Variants in RBFOX1 observed in about 807,000 individuals in gnomAD.
RBFOX1 encodes RNA binding fox-1 homolog 1, also known as RNA binding protein fox-1 homolog 1.
Under a neutral mutation model 57.7 loss-of-function variants are expected in RBFOX1, and 8 were observed. The ratio of observed to expected loss-of-function variants is 0.14; its 90% CI spans 0.08 to 0.25. RBFOX1 has a LOEUF of 0.25. Ranked by LOEUF, RBFOX1 falls within the 10% of genes least tolerant of loss-of-function variation. The pLI is 1.00. For missense variants in RBFOX1, 611 were observed against 548.5 expected (o/e 1.11, Z -1.14); for synonymous variants, 326 against 222.4 (o/e 1.47, Z -4.15).
chr16:7,621,007 C>G (rs114826904), intron 10 of RBFOX1, among the ~76,000 whole-genome samples: 3,140 of 152,050 alleles, frequency 0.021, 91 homozygotes, highest in African/African-American at 0.072. Flanking sequence ...ATCTGCATCC[C>G]CTGGAAGCCT....
intron 2 of RBFOX1, among the ~76,000 whole-genome samples, chr16:6,563,099 G>A (rs1022045119): frequency 6.6e-6 from 1 of 151,964 alleles, no homozygotes; most frequent in African/African-American, 2.4e-5. Context: ...TCCAAGTGCT[G>A]TTTCCCCAGG....
chr16:6,439,630 C>A (rs1427244489), intron 2 of RBFOX1, among the ~76,000 whole-genome samples: 4 of 152,132 alleles, frequency 2.6e-5, no homozygotes, highest in African/African-American at 7.2e-5. Context: ...TTCCCCGAAC[C>A]ACTATTCTCT....
intron 3 of RBFOX1, among the ~76,000 whole-genome samples, chr16:7,032,809 A>C (rs945446145): frequency 2.0e-5 from 3 of 152,146 alleles, no homozygotes; most frequent in African/African-American, 7.2e-5. Flanking sequence ...TGAACTAAAA[A>C]TGCGTTTGGT....
chr16:6,518,966 A>G (rs1404275246), intron 2 of RBFOX1, among the ~76,000 whole-genome samples: 1 of 151,898 alleles, frequency 6.6e-6, no homozygotes, highest in Non-Finnish European at 1.5e-5. Context: ...ACCACCACCT[A>G]GTGGGGCCAG....
intron 3 of RBFOX1, among the ~76,000 whole-genome samples, chr16:6,657,515 G>A (rs1312741891): frequency 6.6e-6 from 1 of 152,074 alleles, no homozygotes; most frequent in Non-Finnish European, 1.5e-5. Context: ...CAGCCAGAGT[G>A]ATTGCCGTCA....
chr16:6,651,991 A>T (rs2098600008), intron 2 of RBFOX1, among the ~76,000 whole-genome samples: 1 of 152,248 alleles, frequency 6.6e-6, no homozygotes, highest in African/African-American at 2.4e-5. Context: ...GTATGATTCC[A>T]CTTAAGCAAG....
rs1051292250 is a variant in RBFOX1 at position 5,756,415 on chromosome 16, G to T, written c.319-110888G>T. ...AAAGATGGATACCGTTTTTCTTCTT[G>T]CTTAGACCTGGTTTCTTCAGGGATC... On this transcript the variant is annotated intron_variant, in intron 3 of 19. Coordinates refer to the RBFOX1 transcript ENST00000641259. Among the ~76,000 whole-genome samples the T allele has an allele frequency of 1.1e-4, 17 of 152,118 alleles. 1 individual carries two copies. The East Asian group carries it at 2.9e-3, about 26-fold the overall frequency.
chr16:7,055,591 T>TC (rs1213900657), intron 4 of RBFOX1, among the ~76,000 whole-genome samples: 6 of 152,144 alleles, frequency 3.9e-5, no homozygotes, highest in Non-Finnish European at 7.3e-5. Context: ...GGAAAATAAT[T>TC]CCCAGAATTC....
chr16:6,077,919 C>G (rs1254612788), intron 1 of RBFOX1, among the ~76,000 whole-genome samples: 1 of 152,028 alleles, frequency 6.6e-6, no homozygotes, highest in Non-Finnish European at 1.5e-5. Flanking sequence ...TGGAAGGACT[C>G]CTCTCATGCC....
At chr16:6,705,409 A>G (rs2062557359) in intron 3 of RBFOX1, 1 of 152,158 alleles carries the variant, frequency 6.6e-6, no homozygotes, top group Non-Finnish European at 1.5e-5. Flanking sequence ...TAAGTATAGA[A>G]ATACCTACAG....
At position 5,365,300 on chromosome 16, in the gene RBFOX1, C is replaced by T. The variant is rs180808912; in HGVS notation, c.220-101916C>T. ...TAGATTCTCTTGAAAAATGAGCAAA[C>T]ACATATGCAGCCACACATCTCCTCC... On this transcript the variant is annotated intron_variant, in intron 1 of 2. Coordinates refer to the RBFOX1 transcript ENST00000585867. Among the ~76,000 whole-genome samples, 26 of 150,462 alleles carry T rather than the reference C, an allele frequency of 1.7e-4. No individual in the cohort carries two copies. In the East Asian group the frequency reaches 4.9e-3, roughly 29 times the overall value.
intron 3 of RBFOX1, among the ~76,000 whole-genome samples, chr16:6,696,176 G>A (rs4786912): frequency 0.67 from 101,699 of 152,096 alleles, 36,353 homozygotes; most frequent in Middle Eastern, 0.8. Flanking sequence ...TTTCATAAAA[G>A]GAATAATACT....
chr16:7,328,785 G>GAA (rs1188940613), intron 4 of RBFOX1: 1 of 152,136 alleles, frequency 6.6e-6, no homozygotes, highest in African/African-American at 2.4e-5. Flanking sequence ...TGGGGAAGCA[G>GAA]AAAGGAACAG....
At chr16:6,499,120 A>G (rs1205967115) in intron 2 of RBFOX1, among the ~76,000 whole-genome samples, 1 of 152,174 alleles carries the variant, frequency 6.6e-6, no homozygotes, top group Non-Finnish European at 1.5e-5. Flanking sequence ...AAAAGAAATT[A>G]TCAGCCAGGC....
chr16:5,618,232 C>T (rs2048098734), intron 3 of RBFOX1, among the ~76,000 whole-genome samples: 1 of 152,144 alleles, frequency 6.6e-6, no homozygotes, highest in Admixed American at 6.5e-5. Flanking sequence ...GGAATCCTGA[C>T]CTGATGCATA....
intron 3 of RBFOX1, among the ~76,000 whole-genome samples, chr16:6,894,385 C>G (rs1011215821): frequency 5.3e-5 from 8 of 152,144 alleles, no homozygotes; most frequent in African/African-American, 1.9e-4. Context: ...ATGAAGTTTT[C>G]TCTTTTGTTC....
At chr16:6,851,922 T>C (rs890729842) in intron 3 of RBFOX1, among the ~76,000 whole-genome samples, 5 of 108,516 alleles carry the variant, frequency 4.6e-5, no homozygotes, top group Admixed American at 1.1e-4. Context: ...TTAGTTTCCA[T>C]TGGGTTTTTT....
At chr16:5,812,420 T>C (rs1163592549) in intron 3 of RBFOX1, among the ~76,000 whole-genome samples, 1 of 151,996 alleles carries the variant, frequency 6.6e-6, no homozygotes, top group African/African-American at 2.4e-5. Flanking sequence ...AAAGTTCTAC[T>C]TCTCACATAC....
intron 1 of RBFOX1, among the ~76,000 whole-genome samples, chr16:6,052,709 G>T (rs575568033): frequency 4.6e-5 from 7 of 151,804 alleles, no homozygotes; most frequent in African/African-American, 7.2e-5. Context: ...GCGTGAACCC[G>T]GGAGGCGGAG....
Sources: gnomAD v4.1 joint callset for allele counts (sites outside exome capture counted in the v4.1 genomes callset) on GRCh38, gnomAD v4.1.1 for gene constraint, MANE v1.5 for transcripts, NCBI Gene and HGNC (gene_info 2026-07-23, HGNC 2026-07-21) for gene names.